The following HDAC9 variants were observed in gnomAD, a reference collection of about 807,000 sequenced individuals.
The protein encoded by HDAC9 is histone deacetylase 9, also known as MEF-2 interacting transcription repressor (MITR) protein.
In HDAC9, 41 loss-of-function variants were observed where a neutral mutation model predicts 139.4. The observed-to-expected ratio is 0.29, with a 90% CI of 0.23 to 0.38. HDAC9 has a LOEUF of 0.38. Among genes scored for constraint, HDAC9 ranks in the 10% least tolerant of loss-of-function variants. The pLI, the probability that HDAC9 is intolerant of heterozygous loss-of-function variation, is 1.00. For synonymous variants in HDAC9, 517 were observed against 476.2 expected, an observed-to-expected ratio of 1.09 and a Z score of -1.12; for missense variants, 1,147 against 1,297.0, an observed-to-expected ratio of 0.88 and a Z score of 1.78.
At chr7:18,217,596 G>A (rs1272228718) in intron 2 of HDAC9, among the ~76,000 whole-genome samples, 1 of 152,078 alleles carries the variant, frequency 6.6e-6, no homozygotes, top group Admixed American at 6.6e-5. Context: ...AACTAACATA[G>A]GTGTGCTATC....
chr7:18,799,161 C>A (rs555911970), intron 17 of HDAC9, among the ~76,000 whole-genome samples: 2 of 151,914 alleles, frequency 1.3e-5, no homozygotes, highest in Admixed American at 1.3e-4. Flanking sequence ...TTTATCCAAT[C>A]ATTGACTGAC....
chr7:18,596,802 C>T lies in HDAC9; in HGVS notation c.664+2773C>T, dbSNP rs572068987. On this transcript the variant is annotated intron_variant, in intron 6 of 25. Transcript: ENST00000686413. ...AAGTTGTTAAATGAGTGTATCCTAT[C>T]GTTTGATCTATGTATGATACTATTT... Among the ~76,000 whole-genome samples the T allele has an allele frequency of 4.6e-5, 7 of 152,190 alleles. No individual in the cohort carries two copies. In the South Asian group the frequency reaches 1.5e-3, roughly 32 times the overall value.
intron 1 of HDAC9, among the ~76,000 whole-genome samples, chr7:18,388,295 A>G (rs1312885932): frequency 6.6e-6 from 1 of 152,096 alleles, no homozygotes; most frequent in Non-Finnish European, 1.5e-5. Context: ...CTTGACACTG[A>G]TCCTCCTTGA....
intron 2 of HDAC9, among the ~76,000 whole-genome samples, chr7:18,253,459 A>T (rs146446280): frequency 6.6e-6 from 1 of 152,254 alleles, no homozygotes; most frequent in African/African-American, 2.4e-5. Flanking sequence ...ATGGTATGAG[A>T]TGGTATCTCA....
intron 1 of HDAC9, among the ~76,000 whole-genome samples, chr7:18,316,015 T>C (rs1019683861): frequency 2.0e-5 from 3 of 152,224 alleles, no homozygotes; most frequent in Admixed American, 6.5e-5. Flanking sequence ...GCTCATAGGG[T>C]GGTTGTGAGA....
At chr7:18,604,710 T>A (rs1021919876) in intron 6 of HDAC9, among the ~76,000 whole-genome samples, 2 of 152,320 alleles carry the variant, frequency 1.3e-5, no homozygotes, top group South Asian at 2.1e-4. Context: ...AGACCTTTTT[T>A]AAATTTCTAC....
chr7:18,203,072 GAATAGATCAGGGTT>G (rs1791256390), intron 2 of HDAC9, among the ~76,000 whole-genome samples: 1 of 152,192 alleles, frequency 6.6e-6, no homozygotes, highest in East Asian at 1.9e-4. Flanking sequence ...CTAATTGGGT[GAATAGATCAGGGTT>G]CCTCTGTGTT....
chr7:18,482,533 A>T (rs1795652039), intron 1 of HDAC9, among the ~76,000 whole-genome samples: 1 of 151,524 alleles, frequency 6.6e-6, no homozygotes, highest in African/African-American at 2.4e-5. Context: ...AATACTTGAG[A>T]TGTTATTAGA....
intron 2 of HDAC9, among the ~76,000 whole-genome samples, chr7:18,551,063 A>T (rs925758046): frequency 3.9e-5 from 6 of 152,212 alleles, no homozygotes; most frequent in African/African-American, 1.4e-4. Flanking sequence ...TATTTTGAAG[A>T]TAGAGTCAAA....
intron 2 of HDAC9, among the ~76,000 whole-genome samples, chr7:18,562,545 C>A (rs1820940357): frequency 6.6e-6 from 1 of 152,086 alleles, no homozygotes; most frequent in Non-Finnish European, 1.5e-5. Flanking sequence ...ACATTCTTGT[C>A]TAAAATTGAT....
chr7:18,892,750 A>G (rs1800796161), intron 22 of HDAC9: 1 of 152,198 alleles, frequency 6.6e-6, no homozygotes, highest in Admixed American at 6.5e-5. Flanking sequence ...AAGGAGAATT[A>G]TTGCCCAGAA....
At chr7:18,810,915 A>G (rs1794124247) in intron 17 of HDAC9, among the ~76,000 whole-genome samples, 1 of 151,902 alleles carries the variant, frequency 6.6e-6, no homozygotes, top group South Asian at 2.1e-4. Flanking sequence ...GTTTTGGGCT[A>G]TGATGAAAAA....
chr7:18,986,580 T>G lies in HDAC9; in HGVS notation c.3171-9443T>G, dbSNP rs1242654309. ...CTCTTTTTTGGTTCCATATGAACTT[T>G]AAAGTATTTTTTTCCAATTCTGTGA... On this transcript the variant is annotated intron_variant, in intron 25 of 25. Transcript: ENST00000686413. Among the ~76,000 whole-genome samples, 378 of 142,860 alleles carry G rather than the reference T, an allele frequency of 2.6e-3. 1 individual carries two copies. Among genetic ancestry groups the G allele is most frequent in the African/African-American group, 9.1e-3 (362 of 39,982 alleles). 93.7% of individuals were successfully genotyped at this position (142,860 alleles called of 152,430 possible). A position where few individuals can be genotyped will look rare whatever the true frequency, so the allele number is the denominator to read the frequency against.
intron 21 of HDAC9, among the ~76,000 whole-genome samples, chr7:18,836,784 T>G (rs1796267513): frequency 6.6e-6 from 1 of 152,118 alleles, no homozygotes; most frequent in South Asian, 2.1e-4. Context: ...TAATTCAACC[T>G]GAGGAGCCTC....
At chr7:18,571,286 A>C (rs1486579587) in intron 2 of HDAC9, among the ~76,000 whole-genome samples, 1 of 152,226 alleles carries the variant, frequency 6.6e-6, no homozygotes, top group South Asian at 2.1e-4. Flanking sequence ...TCTTTGAAAA[A>C]ACAGTAATGT....
intron 2 of HDAC9, among the ~76,000 whole-genome samples, chr7:18,196,599 T>C (rs1225297760): frequency 6.6e-6 from 1 of 152,168 alleles, no homozygotes; most frequent in African/African-American, 2.4e-5. Context: ...TGCTGGATTA[T>C]GTAAAGCAAT....
intron 1 of HDAC9, among the ~76,000 whole-genome samples, chr7:18,142,310 C>G (rs983852445): frequency 6.6e-5 from 10 of 152,072 alleles, no homozygotes; most frequent in African/African-American, 2.4e-4. Flanking sequence ...GTTGTGTTTC[C>G]AAAACAATCA....
intron 12 of HDAC9, among the ~76,000 whole-genome samples, chr7:18,695,002 T>C (rs1584859302): frequency 6.6e-6 from 1 of 152,198 alleles, no homozygotes; most frequent in East Asian, 1.9e-4. Context: ...ATGCTTTATC[T>C]AAGGAAGTCA....
chr7:18,235,129 A>G (rs898510001), intron 2 of HDAC9, among the ~76,000 whole-genome samples: 1 of 152,162 alleles, frequency 6.6e-6, no homozygotes, highest in Non-Finnish European at 1.5e-5. Context: ...GTGGAAAATC[A>G]CTGCTGCAGA....
Sources: allele counts gnomAD v4.1 joint callset (sites outside exome capture counted in the v4.1 genomes callset), GRCh38; gene constraint gnomAD v4.1.1; transcripts MANE v1.5; gene names NCBI Gene and HGNC (gene_info 2026-07-23, HGNC 2026-07-21).